The following TBX15 variants were observed in gnomAD, a reference collection of about 807,000 sequenced individuals.
TBX15 encodes T-box transcription factor TBX15.
A neutral mutation model predicts 53.9 loss-of-function variants in TBX15; 18 were observed. That is an observed-to-expected ratio of 0.33 (90% CI 0.23 to 0.49). The LOEUF is 0.49. Ranked by LOEUF, TBX15 falls within the 20% of genes least tolerant of loss-of-function variation. The pLI is 0.98. For missense variants in TBX15, 692 were observed against 749.5 expected, an observed-to-expected ratio of 0.92 and a Z score of 0.90; for synonymous variants, 295 against 278.0, an observed-to-expected ratio of 1.06 and a Z score of -0.61.
At chr1:118,964,727 G>A (rs1009180079) in intron 1 of TBX15, among the ~76,000 whole-genome samples, 3 of 152,222 alleles carry the variant, frequency 2.0e-5, no homozygotes, top group Non-Finnish European at 4.4e-5. Context: ...GGTGAAAGAA[G>A]GCATATGCAC....
chr1:118,885,616 G>A (rs933408761), intron 7 of TBX15, 100 bp from the exon 8 acceptor site: 4 of 1,426,764 alleles, frequency 2.8e-6, no homozygotes, highest in Admixed American at 3.9e-5. Context: ...AAATGTCCAA[G>A]ATAGGGCTGA....
intron 1 of TBX15, among the ~76,000 whole-genome samples, chr1:118,970,182 T>G: frequency 6.6e-6 from 1 of 152,218 alleles, no homozygotes; most frequent in Non-Finnish European, 1.5e-5. Flanking sequence ...TTAAACATCT[T>G]TTCTTCATAA....
intron 6 of TBX15, among the ~76,000 whole-genome samples, chr1:118,904,138 C>T (rs1654732102): frequency 6.6e-6 from 1 of 152,062 alleles, no homozygotes; most frequent in Admixed American, 6.6e-5. Context: ...CAGTAGACAC[C>T]ATGAGCATTT....
rs113468501 is a variant in TBX15, at chr1:118,888,913, GAA to G, written c.1025-3399_1025-3398del. ...GCCTCAACTGGTTTCACTACAAAAA[GAA>G]AAAAAAAAAAAGGTGGGGGGTGGAA... On this transcript the variant is annotated intron_variant, in intron 7 of 7. Coordinates refer to ENST00000369429, the MANE Select transcript of TBX15 (RefSeq NM_001330677.2). 2.2e-3 allele frequency among the ~76,000 whole-genome samples: 297 copies of G among 136,698 alleles called. 1 individual carries two copies. The highest frequency in any genetic ancestry group is 7.3e-3 in the African/African-American group (278 of 38,000). 89.7% of individuals were successfully genotyped at this position (136,698 alleles called of 152,430 possible).
At chr1:118,906,035 T>G (rs1351716489) in intron 6 of TBX15, among the ~76,000 whole-genome samples, 1 of 152,142 alleles carries the variant, frequency 6.6e-6, no homozygotes, top group East Asian at 1.9e-4. Flanking sequence ...AGTCTTACCA[T>G]CAGTAAAATG....
At chr1:118,897,659 G>A (rs1312891657) in intron 7 of TBX15, among the ~76,000 whole-genome samples, 1 of 152,146 alleles carries the variant, frequency 6.6e-6, no homozygotes, top group Non-Finnish European at 1.5e-5. Flanking sequence ...TTGCCTCAAT[G>A]TAGAGAATTC....
Position 118,923,577 on chromosome 1 carries a change from G to A in TBX15, c.720C>T (p.Tyr240=), listed in dbSNP as rs1453519284. Residue 240 remains tyrosine, a synonymous_variant, in exon 5 of 8, where the codon TAC becomes TAT. Coordinates refer to ENST00000369429, the MANE Select transcript of TBX15 (RefSeq NM_001330677.2). ...GHIILHSMHK[Y]QPRVHVIRKD... is the part of the protein sequence containing the mutation. ...TGCGAATCACATGAACTCGAGGCTG[G>A]TATTTGTGCATAGAGTGCAGAATGA... 4.3e-6 allele frequency: 7 copies of A among 1,613,864 alleles called. No individual in the cohort carries two copies. Among genetic ancestry groups the A allele is most frequent in the Non-Finnish European group, 5.9e-6 (7 of 1,179,908 alleles).
chr1:118,923,372 G>C (rs1209208353), intron 5 of TBX15, 64 bp downstream of exon 5: 1 of 1,597,578 alleles, frequency 6.3e-7, no homozygotes, highest in African/African-American at 1.3e-5. Flanking sequence ...TAATACCTAA[G>C]GAATCTTATG....
chr1:118,909,671 C>T (rs1411354293), intron 6 of TBX15, among the ~76,000 whole-genome samples: 1 of 152,224 alleles, frequency 6.6e-6, no homozygotes, highest in Admixed American at 6.5e-5. Flanking sequence ...CAACCTCCAC[C>T]TCCCAGATTC....
chr1:118,974,510 G>A (rs925786965), intron 1 of TBX15, among the ~76,000 whole-genome samples: 2 of 152,212 alleles, frequency 1.3e-5, no homozygotes, highest in East Asian at 3.8e-4. Flanking sequence ...GACTTCCTAA[G>A]AGAGGAAGGT....
chr1:118,986,047 G>A (rs546579876), intron 1 of TBX15, among the ~76,000 whole-genome samples: 2 of 152,202 alleles, frequency 1.3e-5, no homozygotes, highest in Non-Finnish European at 2.9e-5. Context: ...AAACTTCCCC[G>A]GGACAGGACG....
At chr1:118,974,803 G>C (rs1207494505) in intron 1 of TBX15, among the ~76,000 whole-genome samples, 3 of 152,182 alleles carry the variant, frequency 2.0e-5, no homozygotes, top group Non-Finnish European at 4.4e-5. Context: ...CTAACAGCGG[G>C]TGTACTTGCC....
At chr1:118,974,975 C>G (rs927599276) in intron 1 of TBX15, among the ~76,000 whole-genome samples, 1 of 152,158 alleles carries the variant, frequency 6.6e-6, no homozygotes, top group Non-Finnish European at 1.5e-5. Flanking sequence ...ACGAATTGCC[C>G]GTCATTGCAA....
rs774411551 is a variant in TBX15 at position 118,924,708 on chromosome 1, T to C, written c.631A>G (p.Arg211Gly). 1.2e-6 allele frequency: 2 copies of C among 1,614,112 alleles called. No individual in the cohort carries two copies. Among genetic ancestry groups the C allele is most frequent in the Non-Finnish European group, 1.7e-6 (2 of 1,179,992 alleles). Residue 211 changes from arginine (R) to glycine (G), a missense_variant, in exon 4 of 8, where the codon AGA becomes GGA. This residue lies in a region of TBX15 where 307 missense variants were observed against 347.5 expected (regional missense o/e 0.88). Coordinates refer to ENST00000369429, the MANE Select transcript of TBX15 (RefSeq NM_001330677.2). ...AGTTTGTCAAAACTGACCACCTGTC[T>C]CATCCAGGTGTCTCCAGAAGCTAGA... ...DSLASGDTWMRQVVSFDKLKL... is the reference protein window; with the variant it reads ...DSLASGDTWMGQVVSFDKLKL...
chr1:118,940,935 C>G (rs1203612252), intron 1 of TBX15, among the ~76,000 whole-genome samples: 1 of 149,832 alleles, frequency 6.7e-6, no homozygotes, highest in African/African-American at 2.5e-5. Flanking sequence ...AAATGTTCAA[C>G]CTAAGTACCT....
chr1:118,889,848 G>C (rs1457188143), intron 7 of TBX15, among the ~76,000 whole-genome samples: 2 of 151,952 alleles, frequency 1.3e-5, no homozygotes, highest in Non-Finnish European at 2.9e-5. Context: ...ATGTTGCTCA[G>C]GCTGGTCTTA....
At chr1:118,944,941 G>A (rs1034978910) in intron 1 of TBX15, among the ~76,000 whole-genome samples, 1 of 152,178 alleles carries the variant, frequency 6.6e-6, no homozygotes, top group Non-Finnish European at 1.5e-5. Context: ...TTCCTCTGAT[G>A]ACCTGTTTCC....
At chr1:118,949,734 G>C (rs1179622670) in intron 1 of TBX15, among the ~76,000 whole-genome samples, 1 of 152,196 alleles carries the variant, frequency 6.6e-6, no homozygotes, top group African/African-American at 2.4e-5. Context: ...TACTTTTCCT[G>C]CCTTTCCATC....
intron 2 of TBX15, among the ~76,000 whole-genome samples, chr1:118,930,834 T>C (rs981805561): frequency 6.6e-6 from 1 of 152,232 alleles, no homozygotes; most frequent in African/African-American, 2.4e-5. Flanking sequence ...TATGCAGAAT[T>C]CTGGAGCTGC....
Sources: allele counts gnomAD v4.1 joint callset (sites outside exome capture counted in the v4.1 genomes callset), GRCh38; gene constraint gnomAD v4.1.1; regional missense constraint gnomAD v4.1.1; transcripts MANE v1.5; gene names NCBI Gene and HGNC (gene_info 2026-07-23, HGNC 2026-07-21).